Variants in PGBD5 observed in about 807,000 individuals in gnomAD.
PGBD5 encodes the protein piggyBac transposable element-derived protein 5.
A neutral mutation model predicts 47.9 loss-of-function variants in PGBD5; 14 were observed. The observed-to-expected ratio is 0.29, with a 90% CI of 0.19 to 0.46. PGBD5 has a LOEUF of 0.46. PGBD5 is among the 20% of genes least tolerant of loss of function. The pLI is 1.00. For missense variants in PGBD5, 635 were observed against 716.0 expected, an observed-to-expected ratio of 0.89 and a Z score of 1.29; for synonymous variants, 316 against 306.3, an observed-to-expected ratio of 1.03 and a Z score of -0.33.
Position 230,319,082 on chromosome 1 carries a change from A to G in PGBD5, c.*4343T>C, listed in dbSNP as rs193282614. 3 of 152,396 alleles carry G rather than the reference A, an allele frequency of 2.0e-5. No homozygotes were observed. In the East Asian group the frequency reaches 5.8e-4, roughly 29 times the overall value. 9.4% of individuals were successfully genotyped at this position (152,396 alleles called of 1,614,324 possible). ...ATAAAATCCCCCGTCCTCGTGATGA[A>G]TCAGGACAGCCAGTGCCCACAGCAG... On this transcript the variant is annotated 3_prime_UTR_variant, in exon 7 of 7. Transcript: ENST00000391860.
At chr1:230,422,784 G>A (rs540541180) in intron 1 of PGBD5, among the ~76,000 whole-genome samples, 18 of 152,206 alleles carry the variant, frequency 1.2e-4, no homozygotes, top group East Asian at 3.9e-4. Flanking sequence ...GAAGAATGGC[G>A]AGGATTTCCC....
chr1:230,413,540 A>T (rs1191290379), intron 1 of PGBD5, among the ~76,000 whole-genome samples: 1 of 152,112 alleles, frequency 6.6e-6, no homozygotes, highest in African/African-American at 2.4e-5. Context: ...AGGATGTGCA[A>T]AAACAGACAA....
At chr1:230,345,620 T>C (rs750497122) in intron 3 of PGBD5, among the ~76,000 whole-genome samples, 7 of 152,234 alleles carry the variant, frequency 4.6e-5, no homozygotes, top group Non-Finnish European at 7.3e-5. Context: ...TTCATGATCA[T>C]GTGAAAGCAA....
At chr1:230,397,216 GAAATCT>G (rs1400872287) in intron 1 of PGBD5, among the ~76,000 whole-genome samples, 1 of 152,240 alleles carries the variant, frequency 6.6e-6, no homozygotes, top group Non-Finnish European at 1.5e-5. Flanking sequence ...TTCCCGCTCA[GAAATCT>G]GGATGCCCAC....
intron 1 of PGBD5, among the ~76,000 whole-genome samples, chr1:230,361,779 G>C (rs1236199852): frequency 6.6e-6 from 1 of 152,254 alleles, no homozygotes; most frequent in Non-Finnish European, 1.5e-5. Flanking sequence ...AGTAAGAGCA[G>C]CAGGCAGCAG....
intron 1 of PGBD5, among the ~76,000 whole-genome samples, chr1:230,389,929 G>A (rs1043065001): frequency 2.0e-5 from 3 of 152,158 alleles, no homozygotes; most frequent in Non-Finnish European, 4.4e-5. Context: ...GGCAGAAAAG[G>A]TATCATCCTC....
chr1:230,358,699 T>C (rs547725467), intron 1 of PGBD5, among the ~76,000 whole-genome samples: 51 of 152,220 alleles, frequency 3.4e-4, no homozygotes, highest in Non-Finnish European at 5.6e-4. Context: ...TAGATATGTT[T>C]GGATGCACAA....
rs1657778358 is a variant in PGBD5, at chr1:230,426,081, C to T, written c.-153G>A. 4.3e-6 allele frequency: 1 copy of T among 230,334 alleles called. No homozygotes were observed. The highest frequency in any genetic ancestry group is 7.0e-6 in the Non-Finnish European group (1 of 143,320). The allele number at this position is 230,334 out of a possible 1,614,324, so 14.3% of individuals were successfully genotyped here. A position where few individuals can be genotyped will look rare whatever the true frequency, so the allele number is the denominator to read the frequency against. The stretch of plus-strand genomic sequence containing the variant: ...TGCCCGGCCGGCCCGCCGTCTTGGC[C>T]GCCTCGGGCCCAGCGCCCGGGGAAG... On this transcript the variant is annotated 5_prime_UTR_variant, in exon 1 of 7. Transcript: ENST00000391860.
chr1:230,358,933 CTGTG>C (rs1345710447), intron 1 of PGBD5, among the ~76,000 whole-genome samples: 3 of 152,166 alleles, frequency 2.0e-5, no homozygotes, highest in African/African-American at 4.8e-5. Context: ...AAGCATGACT[CTGTG>C]TGTGTACACA....
intron 1 of PGBD5, among the ~76,000 whole-genome samples, chr1:230,365,729 G>A (rs953947572): frequency 2.6e-5 from 4 of 152,200 alleles, no homozygotes; most frequent in East Asian, 1.9e-4. Context: ...CGCTCGGCTC[G>A]AGGGCCCTCC....
At chr1:230,404,049 T>G (rs1571861523) in intron 1 of PGBD5, among the ~76,000 whole-genome samples, 1 of 152,206 alleles carries the variant, frequency 6.6e-6, no homozygotes, top group African/African-American at 2.4e-5. Context: ...CATAGGATTC[T>G]TGAGTTACTC....
chr1:230,392,711 C>T (rs1450515880), intron 1 of PGBD5, among the ~76,000 whole-genome samples: 1 of 152,192 alleles, frequency 6.6e-6, no homozygotes, highest in Non-Finnish European at 1.5e-5. Flanking sequence ...TGCTCTCACC[C>T]AAGGAAATCC....
intron 1 of PGBD5, among the ~76,000 whole-genome samples, chr1:230,398,715 C>T (rs1657060232): frequency 2.0e-5 from 3 of 152,186 alleles, no homozygotes; most frequent in Admixed American, 2.0e-4. Flanking sequence ...GACCTCTGGG[C>T]TCCTGGCAGT....
In PGBD5 at chr1:230,316,189, C is replaced by CAT. The variant is rs59845173; in HGVS notation, c.*7234_*7235dup. The CAT allele has an allele frequency of 0.84, 120,862 of 143,558 alleles. 51,185 individuals are homozygous for CAT. The highest frequency in any genetic ancestry group is 0.93 in the East Asian group (4,075 of 4,386). 8.9% of individuals were successfully genotyped at this position (143,558 alleles called of 1,614,324 possible). On this transcript the variant is annotated 3_prime_UTR_variant, in exon 7 of 7. Coordinates refer to ENST00000391860, the MANE Select transcript of PGBD5 (RefSeq NM_001258311.2). ...GTATACATACATACGTACACATGTG[C>CAT]ATGTGTATACATACATATGTACACA...
intron 1 of PGBD5, among the ~76,000 whole-genome samples, chr1:230,399,183 T>C (rs1657075091): frequency 6.6e-6 from 1 of 151,944 alleles, no homozygotes; most frequent in Non-Finnish European, 1.5e-5. Context: ...AAACAAGTAA[T>C]TTTTTTCATA....
chr1:230,367,735 G>T (rs772494978), intron 1 of PGBD5, among the ~76,000 whole-genome samples: 17 of 152,292 alleles, frequency 1.1e-4, no homozygotes, highest in Admixed American at 6.5e-4. Flanking sequence ...CCGTCATCTA[G>T]GCTTCAAGAA....
chr1:230,345,201 C>T (rs143765094), intron 3 of PGBD5, among the ~76,000 whole-genome samples: 1 of 152,272 alleles, frequency 6.6e-6, no homozygotes, highest in East Asian at 1.9e-4. Flanking sequence ...CAATTTTTCC[C>T]GCTGGAGCCT....
intron 1 of PGBD5, among the ~76,000 whole-genome samples, chr1:230,379,689 C>T (rs916938126): frequency 6.6e-6 from 1 of 152,212 alleles, no homozygotes; most frequent in Non-Finnish European, 1.5e-5. Flanking sequence ...CTGTTGGCAC[C>T]CCAGAGGTAG....
In PGBD5 at chr1:230,317,392, T is replaced by C. The variant is rs1284069821; in HGVS notation, c.*6033A>G. 3 of 152,154 alleles carry C rather than the reference T, an allele frequency of 2.0e-5. No homozygotes were observed. Among genetic ancestry groups the C allele is most frequent in the African/African-American group, 7.2e-5 (3 of 41,406 alleles). The allele number at this position is 152,154 out of a possible 1,614,324, so 9.4% of individuals were successfully genotyped here. On this transcript the variant is annotated 3_prime_UTR_variant, in exon 7 of 7. Coordinates refer to ENST00000391860, the MANE Select transcript of PGBD5 (RefSeq NM_001258311.2). ...ATCACAAAAGGGGGACCGATGGTTG[T>C]CAGCTCCCAGGGCAATGCTGAGGAC...
Sources: allele counts gnomAD v4.1 joint callset (sites outside exome capture counted in the v4.1 genomes callset), GRCh38; gene constraint gnomAD v4.1.1; transcripts MANE v1.5; gene names NCBI Gene and HGNC (gene_info 2026-07-23, HGNC 2026-07-21).